The following MED13 variants were observed in gnomAD, a reference collection of about 807,000 sequenced individuals.
MED13 encodes mediator complex subunit 13.
A neutral mutation model predicts 225.2 loss-of-function variants in MED13; 23 were observed. The observed-to-expected ratio is 0.10, with a 90% CI of 0.07 to 0.14. The LOEUF is 0.14. MED13 is among the 10% of genes least tolerant of loss of function. MED13 has a pLI of 1.00. For synonymous variants in MED13, 942 were observed against 889.2 expected (o/e 1.06, Z -1.06); for missense variants, 2,197 against 2,594.5 (o/e 0.85, Z 3.33).
chr17:61,977,164 G>A (rs2080164173), intron 16 of MED13, among the ~76,000 whole-genome samples: 1 of 152,130 alleles, frequency 6.6e-6, no homozygotes, highest in Non-Finnish European at 1.5e-5. Context: ...TGTACTTAAT[G>A]GGGGTAAGAA....
At chr17:62,034,897 C>T (rs1287269460) in intron 4 of MED13, among the ~76,000 whole-genome samples, 2 of 151,878 alleles carry the variant, frequency 1.3e-5, no homozygotes, top group Non-Finnish European at 2.9e-5. Flanking sequence ...GGCAGGTGGA[C>T]CACTTGAGGT....
chr17:61,957,205 TCTAG>T (rs1222305663), intron 23 of MED13, among the ~76,000 whole-genome samples: 9 of 149,402 alleles, frequency 6.0e-5, no homozygotes, highest in African/African-American at 2.2e-4. Flanking sequence ...CACCACCACG[TCTAG>T]CTAATTTTTG....
intron 27 of MED13, 38 bp from the exon 28 acceptor site, chr17:61,951,036 A>G (rs1237468746): frequency 1.0e-5 from 15 of 1,507,354 alleles, no homozygotes; most frequent in Non-Finnish European, 1.4e-5. Context: ...TAGTTCACTC[A>G]GTGTAACTAA....
chr17:62,020,461 C>G (rs904654332), intron 8 of MED13, among the ~76,000 whole-genome samples: 10 of 152,172 alleles, frequency 6.6e-5, no homozygotes, highest in Non-Finnish European at 1.5e-5. Context: ...ACTGCAACCT[C>G]TGCCTCCCAG....
chr17:61,969,398 A>G (rs992834944), intron 17 of MED13, among the ~76,000 whole-genome samples: 4 of 152,024 alleles, frequency 2.6e-5, no homozygotes, highest in Non-Finnish European at 5.9e-5. Flanking sequence ...ACTGTAGGCC[A>G]GGTGCTGTGG....
chr17:61,945,930 T>C lies in MED13; in HGVS notation c.*538A>G, dbSNP rs1223574543. 6.6e-6 allele frequency: 1 copy of C among 152,618 alleles called. No individual in the cohort carries two copies. The highest frequency in any genetic ancestry group is 1.5e-5 in the Non-Finnish European group (1 of 68,054). The allele number at this position is 152,618 out of a possible 1,614,324, so 9.5% of individuals were successfully genotyped here. ...TTACATATATTTTAGACCAATTGCT[T>C]TAAAGCAAGAAGGCAGTATAAACCT... On this transcript the variant is annotated 3_prime_UTR_variant, in exon 30 of 30. Coordinates refer to ENST00000397786, the MANE Select transcript of MED13 (RefSeq NM_005121.3).
chr17:62,049,930 C>CAAAAAAAA (rs544006035), intron 3 of MED13, among the ~76,000 whole-genome samples: 1 of 96,262 alleles, frequency 1.0e-5, no homozygotes, highest in African/African-American at 4.6e-5. Context: ...GCTCTGTCTC[C>CAAAAAAAA]AAAAAAAAAA....
Position 61,946,618 on chromosome 17 carries a change from T to C in MED13, c.6393-18A>G, listed in dbSNP as rs374486667. On this transcript the variant is annotated intron_variant, in intron 29 of 29. Coordinates refer to ENST00000397786, the MANE Select transcript of MED13 (RefSeq NM_005121.3). ...AAACAAACCTGAAAAGCAAATAAAC[T>C]GCATAAGTCATTTATTTATTTCCAA... 94 of 1,604,894 alleles carry C rather than the reference T, an allele frequency of 5.9e-5. No individual in the cohort carries two copies. Among genetic ancestry groups the C allele is most frequent in the Non-Finnish European group, 7.7e-5 (91 of 1,177,988 alleles).
intron 8 of MED13, among the ~76,000 whole-genome samples, chr17:62,021,532 G>A (rs1273720870): frequency 6.6e-6 from 1 of 152,240 alleles, no homozygotes; most frequent in Non-Finnish European, 1.5e-5. Flanking sequence ...GGGGCGAGCA[G>A]CCTGCTTTCT....
intron 9 of MED13, among the ~76,000 whole-genome samples, chr17:61,996,751 T>C (rs1204613460): frequency 6.6e-6 from 1 of 152,210 alleles, no homozygotes; most frequent in African/African-American, 2.4e-5. Flanking sequence ...TTTTCCTGCA[T>C]AGCATTTATC....
At chr17:61,963,349 C>T (rs2080023724) in intron 20 of MED13, among the ~76,000 whole-genome samples, 1 of 151,574 alleles carries the variant, frequency 6.6e-6, no homozygotes, top group Admixed American at 6.6e-5. Context: ...GAGGCTATCT[C>T]AAATAGCTTA....
At chr17:62,057,493 G>A (rs569009366) in intron 2 of MED13, among the ~76,000 whole-genome samples, 2 of 152,244 alleles carry the variant, frequency 1.3e-5, no homozygotes, top group Non-Finnish European at 2.9e-5. Context: ...CACATCACAA[G>A]TAAATTTTAC....
intron 8 of MED13, among the ~76,000 whole-genome samples, chr17:62,012,603 T>C (rs1321568133): frequency 1.3e-5 from 2 of 152,080 alleles, no homozygotes; most frequent in Non-Finnish European, 2.9e-5. Context: ...GTGCTGGGAT[T>C]ACAGGCATGA....
At chr17:61,975,893 G>GT (rs1567953798) in intron 16 of MED13, among the ~76,000 whole-genome samples, 1 of 152,190 alleles carries the variant, frequency 6.6e-6, no homozygotes, top group African/African-American at 2.4e-5. Flanking sequence ...GCAGGAGCCT[G>GT]TAATCCCAGT....
chr17:61,951,217 C>G lies in MED13; in HGVS notation c.6118-219G>C, dbSNP rs770323693. Among the ~76,000 whole-genome samples, 78 of 152,274 alleles carry G rather than the reference C, an allele frequency of 5.1e-4. 2 individuals are homozygous for G. Among genetic ancestry groups the G allele is most frequent in the Non-Finnish European group, 4.9e-4 (33 of 68,028 alleles). The stretch of plus-strand genomic sequence containing the variant: ...TTTTAAGGATTGCATGATATGCCAA[C>G]TGTTTAACAAGTCTGTATTATTATG... On this transcript the variant is annotated intron_variant, in intron 27 of 29. Coordinates refer to ENST00000397786, the MANE Select transcript of MED13 (RefSeq NM_005121.3).
Position 61,955,456 on chromosome 17 carries a change from G to A in MED13, c.5894C>T (p.Thr1965Ile). 6.2e-7 allele frequency: 1 copy of A among 1,600,414 alleles called. No individual in the cohort carries two copies. Among genetic ancestry groups the A allele is most frequent in the Non-Finnish European group, 8.5e-7 (1 of 1,176,012 alleles). ...TSCTHILVFPTSASVQVASAT... is the reference protein window; with the variant it reads ...TSCTHILVFPISASVQVASAT... Reference sequence around the variant, plus strand: ...TGAAGCTACTTGCACAGAAGCAGAAGTAGGAAACACAAGTATATGAGTACA... The same window carrying A: ...TGAAGCTACTTGCACAGAAGCAGAAATAGGAAACACAAGTATATGAGTACA... Residue 1965 changes from threonine to isoleucine, a missense_variant, in exon 26 of 30, where the codon ACT (threonine) becomes ATT (isoleucine). Transcript: ENST00000397786.
chr17:62,050,774 C>CG, intron 3 of MED13, among the ~76,000 whole-genome samples: 1 of 152,228 alleles, frequency 6.6e-6, no homozygotes, highest in South Asian at 2.1e-4. Context: ...GAGGCCGAGG[C>CG]GGGTGGATTG....
chr17:61,995,129 T>C (rs771026763), intron 10 of MED13, 23 bp downstream of exon 10: 1 of 1,516,988 alleles, frequency 6.6e-7, no homozygotes, highest in Non-Finnish European at 9.2e-7. Flanking sequence ...AGTGACCCTT[T>C]GGTGTACTGT....
In MED13 at chr17:61,944,745, G is replaced by A. The variant is rs2079840016; in HGVS notation, c.*1723C>T. On this transcript the variant is annotated 3_prime_UTR_variant, in exon 30 of 30. Coordinates refer to ENST00000397786, the MANE Select transcript of MED13 (RefSeq NM_005121.3). ...AAATACAACTGATTTTGTCCTTGTA[G>A]ATAATTAGTGAACGTACAAATAGAA... 6.6e-6 allele frequency: 1 copy of A among 152,500 alleles called. No individual in the cohort carries two copies. The highest frequency in any genetic ancestry group is 1.5e-5 in the Non-Finnish European group (1 of 68,016). 9.4% of individuals were successfully genotyped at this position (152,500 alleles called of 1,614,324 possible). A position where few individuals can be genotyped will look rare whatever the true frequency, so the allele number is the denominator to read the frequency against.
Sources: allele counts gnomAD v4.1 joint callset (sites outside exome capture counted in the v4.1 genomes callset), GRCh38; gene constraint gnomAD v4.1.1; transcripts MANE v1.5; gene names NCBI Gene and HGNC (gene_info 2026-07-23, HGNC 2026-07-21).